Variants in INTS6 observed in about 807,000 individuals in gnomAD.
INTS6 encodes the protein DEAD box protein.
INTS6 carries 16 observed loss-of-function variants against 104.9 expected under a neutral mutation model. The observed-to-expected ratio is 0.15, with a 90% CI of 0.10 to 0.23. INTS6 has a LOEUF of 0.23. Among genes scored for constraint, INTS6 ranks in the 10% least tolerant of loss-of-function variants. The pLI is 1.00. For missense variants in INTS6, 584 were observed against 1,062.8 expected (o/e 0.55, Z 6.26); for synonymous variants, 324 against 358.7 (o/e 0.90, Z 1.09).
chr13:51,441,691 T>TA (rs1247974927), intron 3 of INTS6: 2 of 152,314 alleles, frequency 1.3e-5, no homozygotes, highest in Non-Finnish European at 1.5e-5. Flanking sequence ...ATCAGAAACT[T>TA]AAAGTATGAA....
chr13:51,447,041 C>T (rs1039679948), intron 3 of INTS6: 24 of 151,334 alleles, frequency 1.6e-4, no homozygotes, highest in African/African-American at 5.6e-4. Flanking sequence ...TTTCTTACCA[C>T]AATTTAAAAA....
chr13:51,395,543 T>C, intron 4 of INTS6, 60 bp from the exon 5 acceptor site: 1 of 1,426,230 alleles, frequency 7.0e-7, no homozygotes, highest in South Asian at 1.4e-5. Context: ...TCAAAAAGCC[T>C]ACTTTAATTA....
chr13:51,428,728 C>T (rs1417715142), intron 4 of INTS6, among the ~76,000 whole-genome samples: 1 of 152,094 alleles, frequency 6.6e-6, no homozygotes, highest in Non-Finnish European at 1.5e-5. Context: ...TAACAAAGCC[C>T]AAAAGCCCAT....
At chr13:51,407,654 A>G (rs1372021806) in intron 4 of INTS6, among the ~76,000 whole-genome samples, 1 of 152,208 alleles carries the variant, frequency 6.6e-6, no homozygotes, top group Non-Finnish European at 1.5e-5. Context: ...ATTCAAAATG[A>G]TAACAAGGTA....
intron 4 of INTS6, among the ~76,000 whole-genome samples, chr13:51,429,598 T>C (rs971486933): frequency 3.3e-5 from 5 of 151,372 alleles, no homozygotes; most frequent in Non-Finnish European, 7.4e-5. Context: ...ACACCATCTC[T>C]ACTAAAATTA....
chr13:51,338,492 C>T, the INTS6 span, among the ~76,000 whole-genome samples: 129 of 148,060 alleles, frequency 8.7e-4, no homozygotes, highest in African/African-American at 3.0e-3. Context: ...GATGGATGCA[C>T]GGACAGACGG....
chr13:51,430,317 T>C lies in INTS6; in HGVS notation c.406A>G (p.Thr136Ala). 6.2e-7 allele frequency: 1 copy of C among 1,613,192 alleles called. No homozygotes were observed. The highest frequency in any genetic ancestry group is 8.5e-7 in the Non-Finnish European group (1 of 1,179,554). ...ITITDGSKLT[T>A]TSGVQDELHL... ...ACCTCATCCTGGACTCCACTGGTGG[T>C]AGTCAACTTGCTCCCATCAGTAATT... The change falls in exon 4 of 18, where the codon ACC becomes GCC. Residue 136 changes from threonine to alanine, a missense_variant. By Grantham distance (58) the Thr-to-Ala change is moderately conservative. This residue lies in a region of INTS6 where 70 missense variants were observed against 190.3 expected (regional missense o/e 0.37). Coordinates refer to ENST00000311234, the MANE Select transcript of INTS6 (RefSeq NM_012141.3).
At chr13:51,424,942 A>G (rs190190213) in intron 4 of INTS6, among the ~76,000 whole-genome samples, 44 of 152,160 alleles carry the variant, frequency 2.9e-4, no homozygotes, top group African/African-American at 7.9e-4. Context: ...TTAAATATAT[A>G]TTTAAAAGTA....
At chr13:51,437,834 C>T (rs1952719295) in intron 3 of INTS6, 1 of 152,136 alleles carries the variant, frequency 6.6e-6, no homozygotes, top group African/African-American at 2.4e-5. Context: ...CATGTTGAAA[C>T]ACTGTCTCTA....
downstream of INTS6, among the ~76,000 whole-genome samples, chr13:51,353,127 T>C (rs1459862905): frequency 1.3e-5 from 2 of 152,200 alleles, no homozygotes; most frequent in Non-Finnish European, 2.9e-5. Context: ...GTAGCATTTC[T>C]GCTGGATCTG....
chr13:51,347,454 A>G, the INTS6 span, among the ~76,000 whole-genome samples: 1 of 152,206 alleles, frequency 6.6e-6, no homozygotes, highest in East Asian at 1.9e-4. Flanking sequence ...GAGGACACAG[A>G]TGTGGAAGAG....
Position 51,361,884 on chromosome 13 carries a change from C to G in INTS6, c.*3868G>C, listed in dbSNP as rs762326930. 1.2e-6 allele frequency: 2 copies of G among 1,611,352 alleles called. No homozygotes were observed. Among genetic ancestry groups the G allele is most frequent in the East Asian group, 4.5e-5 (2 of 44,814 alleles). On this transcript the variant is annotated 3_prime_UTR_variant, in exon 18 of 18. Coordinates refer to ENST00000311234, the MANE Select transcript of INTS6 (RefSeq NM_012141.3). ...GCCATTCATCTATTTCCTGAGAGAA[C>G]CTAACACAGGTATTACAGTATTTTT... is the stretch of plus-strand genomic sequence containing the variant.
chr13:51,348,141 C>G, the INTS6 span: 1 of 1,207,536 alleles, frequency 8.3e-7, no homozygotes, highest in Non-Finnish European at 1.2e-6. Context: ...GCCAGCCTCT[C>G]TCAGGGTCCG....
Position 51,361,646 on chromosome 13 carries a change from C to A in INTS6, c.*4106G>T, listed in dbSNP as rs1251342522. The stretch of plus-strand genomic sequence containing the variant: ...GGAGACAGGATTGGCTAAATGGCAT[C>A]TTTTCTCTTTAATTTTCCCATCTGC... On this transcript the variant is annotated 3_prime_UTR_variant, in exon 18 of 18. Transcript: ENST00000311234. 2 of 635,878 alleles carry A rather than the reference C, an allele frequency of 3.1e-6. No individual in the cohort carries two copies. Among genetic ancestry groups the A allele is most frequent in the Non-Finnish European group, 5.3e-6 (2 of 379,512 alleles). 39.4% of individuals were successfully genotyped at this position (635,878 alleles called of 1,614,324 possible). A position where few individuals can be genotyped will look rare whatever the true frequency, so the allele number is the denominator to read the frequency against.
rs765596130 is a variant in INTS6 at position 51,451,970 on chromosome 13, G to A, written c.189+8C>T. The A allele has an allele frequency of 2.5e-6, 4 of 1,604,872 alleles. No individual in the cohort carries two copies. Among genetic ancestry groups the A allele is most frequent in the Non-Finnish European group, 2.6e-6 (3 of 1,173,788 alleles). Reference sequence around the variant, plus strand: ...AAGGGAGGAAAGGGGGAGGGCGAGGGCTGTTACCTTGATAGCATAGGGCGG... The same window carrying A: ...AAGGGAGGAAAGGGGGAGGGCGAGGACTGTTACCTTGATAGCATAGGGCGG... On this transcript the variant is annotated splice_region_variant and intron_variant, in intron 2 of 17. Coordinates refer to ENST00000311234, the MANE Select transcript of INTS6 (RefSeq NM_012141.3).
intron 16 of INTS6, 108 bp from the exon 17 acceptor site, chr13:51,368,006 A>G: frequency 1.8e-6 from 1 of 549,876 alleles, no homozygotes; most frequent in Non-Finnish European, 3.1e-6. Flanking sequence ...AGATAAAAAC[A>G]TTCTACATAA....
intron 3 of INTS6, among the ~76,000 whole-genome samples, chr13:51,431,554 C>A (rs908665319): frequency 6.6e-6 from 1 of 152,116 alleles, no homozygotes; most frequent in Non-Finnish European, 1.5e-5. Flanking sequence ...TCTTACAACT[C>A]TCAATTCCTA....
intron 15 of INTS6, among the ~76,000 whole-genome samples, chr13:51,371,052 G>C (rs901954276): frequency 6.6e-6 from 1 of 152,112 alleles, no homozygotes; most frequent in Non-Finnish European, 1.5e-5. Flanking sequence ...ACTACTACTC[G>C]AAGTCTGGTG....
chr13:51,346,122 A>G, the INTS6 span, among the ~76,000 whole-genome samples: 59 of 152,364 alleles, frequency 3.9e-4, no homozygotes, highest in African/African-American at 1.2e-3. Context: ...TAAAGCACTT[A>G]GAACAGAGCC....
Sources: gnomAD v4.1 joint callset for allele counts (sites outside exome capture counted in the v4.1 genomes callset) on GRCh38, gnomAD v4.1.1 for gene constraint, gnomAD v4.1.1 regional missense constraint, MANE v1.5 for transcripts, NCBI Gene and HGNC (gene_info 2026-07-23, HGNC 2026-07-21) for gene names.